XIRP2: variants seen among roughly 807,000 people sequenced by gnomAD.
XIRP2 encodes xin actin-binding repeat-containing protein 2.
XIRP2 carries 236 observed loss-of-function variants against 277.0 expected under a neutral mutation model. That is an observed-to-expected ratio of 0.85 (90% CI 0.77 to 0.95). The LOEUF is 0.95. XIRP2 is among the 40% of genes least tolerant of loss of function. XIRP2 has a pLI of 0.00. For missense variants in XIRP2, 4,640 were observed against 4,157.5 expected, an observed-to-expected ratio of 1.12 and a Z score of -3.19; for synonymous variants, 1,490 against 1,416.5, an observed-to-expected ratio of 1.05 and a Z score of -1.17.
chr2:167,042,323 A>C (rs1688678227), intron 2 of XIRP2, among the ~76,000 whole-genome samples: 1 of 152,180 alleles, frequency 6.6e-6, no homozygotes, highest in Non-Finnish European at 1.5e-5. Context: ...TGACAGGATC[A>C]AATCCTCACA....
At chr2:166,915,294 C>T (rs1447860939) in intron 2 of XIRP2, among the ~76,000 whole-genome samples, 19 of 118,320 alleles carry the variant, frequency 1.6e-4, no homozygotes, top group Admixed American at 6.9e-4. Flanking sequence ...AGCAAGACTC[C>T]GTCTCAAAAA....
chr2:167,132,509 T>TACACACACACAC (rs1491102871), intron 2 of XIRP2, among the ~76,000 whole-genome samples: 1 of 126,414 alleles, frequency 7.9e-6, no homozygotes, highest in East Asian at 2.5e-4. Flanking sequence ...TGTGCATGTG[T>TACACACACACAC]ATACACACAC....
At chr2:166,973,444 A>C (rs749640495) in intron 2 of XIRP2, among the ~76,000 whole-genome samples, 21 of 152,200 alleles carry the variant, frequency 1.4e-4, no homozygotes, top group Non-Finnish European at 2.8e-4. Context: ...AGGTGTAACT[A>C]TTCCCTTTTC....
At chr2:166,954,074 G>A (rs1686102401) in intron 2 of XIRP2, among the ~76,000 whole-genome samples, 3 of 151,766 alleles carry the variant, frequency 2.0e-5, no homozygotes, top group Admixed American at 1.3e-4. Flanking sequence ...ACATATTTTT[G>A]TATAACCCTA....
At chr2:166,986,023 G>A (rs757909978) in intron 2 of XIRP2, among the ~76,000 whole-genome samples, 17 of 152,210 alleles carry the variant, frequency 1.1e-4, no homozygotes, top group Non-Finnish European at 1.9e-4. Context: ...AACAGCAGAA[G>A]GAAATGGTTG....
chr2:167,182,136 T>C (rs1363736710), intron 3 of XIRP2, among the ~76,000 whole-genome samples: 1 of 152,180 alleles, frequency 6.6e-6, no homozygotes, highest in African/African-American at 2.4e-5. Flanking sequence ...TGATTAAATT[T>C]AACTGCAATT....
At chr2:167,087,015 C>T (rs754201822) in intron 2 of XIRP2, among the ~76,000 whole-genome samples, 2,374 of 151,404 alleles carry the variant, frequency 0.016, 67 homozygotes, top group African/African-American at 0.054. Flanking sequence ...GGAGGAGAGG[C>T]GCTCTGCGTT....
At chr2:166,934,213 A>AC (rs1294983369) in intron 2 of XIRP2, among the ~76,000 whole-genome samples, 5 of 150,604 alleles carry the variant, frequency 3.3e-5, no homozygotes, top group Non-Finnish European at 7.4e-5. Context: ...AAAAAAAAAA[A>AC]ACAAAACTAG....
At chr2:167,256,432 T>G (rs1008117815) in intron 10 of XIRP2, among the ~76,000 whole-genome samples, 1 of 151,792 alleles carries the variant, frequency 6.6e-6, no homozygotes, top group African/African-American at 2.4e-5. Flanking sequence ...TTTTATCTTT[T>G]ATTTCTATTT....
intron 3 of XIRP2, among the ~76,000 whole-genome samples, chr2:167,145,478 G>A (rs540640315): frequency 6.6e-6 from 1 of 152,288 alleles, no homozygotes; most frequent in East Asian, 1.9e-4. Flanking sequence ...ATGGACCACA[G>A]TGTTCCAATG....
Position 167,210,835 on chromosome 2 carries a change from G to T in XIRP2, c.663G>T (p.Glu221Asp). ...SDLHEVVSLK[E>D]RMARYQAAVS... ...TCCACGAAGTGGTCTCCCTGAAGGA[G>T]CGGATGGCGAGGTACCAGGCAGCTG... Residue 221 changes from glutamate (E) to aspartate (D), a missense_variant, in exon 4 of 11, where the codon GAG (glutamate) becomes GAT (aspartate). By Grantham distance (45) the Glu-to-Asp change is conservative. Transcript: ENST00000409195. 1 of 1,614,188 alleles carries T rather than the reference G, an allele frequency of 6.2e-7. No individual in the cohort carries two copies. The highest frequency in any genetic ancestry group is 2.2e-5 in the East Asian group (1 of 44,866).
chr2:167,156,445 G>A (rs1314949585), intron 3 of XIRP2, among the ~76,000 whole-genome samples: 1 of 152,112 alleles, frequency 6.6e-6, no homozygotes, highest in Non-Finnish European at 1.5e-5. Flanking sequence ...GGTTTAGTTT[G>A]CCAGCTAGGG....
intron 2 of XIRP2, among the ~76,000 whole-genome samples, chr2:166,977,003 T>C (rs575526961): frequency 1.0e-3 from 158 of 152,346 alleles, no homozygotes; most frequent in Middle Eastern, 0.01. Flanking sequence ...TGAATGATTG[T>C]ATTTTTCAGC....
At chr2:166,983,223 G>A (rs1182889602) in intron 2 of XIRP2, among the ~76,000 whole-genome samples, 1 of 151,832 alleles carries the variant, frequency 6.6e-6, no homozygotes, top group Non-Finnish European at 1.5e-5. Context: ...CCCTTTCTCT[G>A]ACATTTCCAA....
chr2:167,006,105 A>G (rs1687496242), intron 2 of XIRP2, among the ~76,000 whole-genome samples: 1 of 151,826 alleles, frequency 6.6e-6, no homozygotes, highest in African/African-American at 2.4e-5. Context: ...AGAATCTACC[A>G]TGGTGCCTGG....
chr2:167,247,141 C>T lies in XIRP2; in HGVS notation c.5749C>T (p.Leu1917Phe). ...NTKTEILKKE[L>F]LKDDLETSLR... The stretch of plus-strand genomic sequence containing the variant: ...AAAGACAGAAATTCTGAAAAAGGAG[C>T]TTCTCAAAGATGACCTGGAAACATC... The change falls in exon 9 of 11, where the codon CTT (leucine) becomes TTT (phenylalanine). Residue 1917 changes from leucine to phenylalanine, a missense_variant. Transcript: ENST00000409195. 2.5e-6 allele frequency: 4 copies of T among 1,613,502 alleles called. No homozygotes were observed. Among genetic ancestry groups the T allele is most frequent in the Non-Finnish European group, 2.5e-6 (3 of 1,179,736 alleles).
At chr2:167,224,283 T>A (rs1694525107) in intron 5 of XIRP2, among the ~76,000 whole-genome samples, 2 of 152,064 alleles carry the variant, frequency 1.3e-5, no homozygotes, top group Non-Finnish European at 2.9e-5. Context: ...GCCCAGGTGG[T>A]AGTGCAGTGG....
At chr2:167,033,220 C>T (rs547764687) in intron 2 of XIRP2, among the ~76,000 whole-genome samples, 1 of 152,150 alleles carries the variant, frequency 6.6e-6, no homozygotes, top group South Asian at 2.1e-4. Context: ...TATTCTCACT[C>T]ATAAGTGGGA....
chr2:167,127,228 GT>G (rs1691233305), intron 2 of XIRP2, among the ~76,000 whole-genome samples: 1 of 152,142 alleles, frequency 6.6e-6, no homozygotes, highest in Non-Finnish European at 1.5e-5. Flanking sequence ...ACAAATAGTT[GT>G]GCAGGTTTAA....
Sources: gnomAD v4.1 joint callset for allele counts (sites outside exome capture counted in the v4.1 genomes callset) on GRCh38, gnomAD v4.1.1 for gene constraint, MANE v1.5 for transcripts, NCBI Gene and HGNC (gene_info 2026-07-23, HGNC 2026-07-21) for gene names.